LMAN2L: variants seen among roughly 807,000 people sequenced by gnomAD.
LMAN2L encodes the protein lectin, mannose binding 2 like.
Under a neutral mutation model 44.3 loss-of-function variants are expected in LMAN2L, and 30 were observed. That is an observed-to-expected ratio of 0.68 (90% CI 0.51 to 0.92). The LOEUF is 0.92. Among genes scored for constraint, LMAN2L ranks in the 40% least tolerant of loss-of-function variants. The probability of loss-of-function intolerance (pLI) is 0.00; values close to 1 mark genes in which losing one functional copy is unlikely to be tolerated. For missense variants in LMAN2L, 429 were observed against 446.1 expected, an observed-to-expected ratio of 0.96 and a Z score of 0.35; for synonymous variants, 183 against 171.1, an observed-to-expected ratio of 1.07 and a Z score of -0.54.
chr2:96,735,993 C>CA, intron 2 of LMAN2L, among the ~76,000 whole-genome samples: 1 of 152,232 alleles, frequency 6.6e-6, no homozygotes. Context: ...GCCTAGGCGA[C>CA]AGAGTGATGA....
At chr2:96,739,081 C>T (rs2153338425) in intron 1 of LMAN2L, among the ~76,000 whole-genome samples, 1 of 152,336 alleles carries the variant, frequency 6.6e-6, no homozygotes, top group South Asian at 2.1e-4. Context: ...TGTGAAGCTA[C>T]TCCCTGTACC....
chr2:96,715,455 CT>C (rs1336702686), intron 4 of LMAN2L, among the ~76,000 whole-genome samples: 1 of 152,236 alleles, frequency 6.6e-6, no homozygotes, highest in Non-Finnish European at 1.5e-5. Context: ...GGAAGTATTT[CT>C]TGGATAACCA....
chr2:96,716,462 T>C lies in LMAN2L; in HGVS notation c.508-4437A>G, dbSNP rs2078042584. 2.0e-5 allele frequency among the ~76,000 whole-genome samples: 3 copies of C among 152,202 alleles called. 1 individual carries two copies. The South Asian group carries it at 6.2e-4, about 32-fold the overall frequency. ...GTTTCCATCTCAAACCATACCATTG[T>C]CTAGTAAGCTGACCATTTGCTTTTG... On this transcript the variant is annotated intron_variant, in intron 4 of 7. Transcript: ENST00000264963.
At chr2:96,732,697 G>A (rs1373621683) in intron 4 of LMAN2L, among the ~76,000 whole-genome samples, 1 of 150,592 alleles carries the variant, frequency 6.6e-6, no homozygotes, top group African/African-American at 2.4e-5. Flanking sequence ...CTTAGGTCAG[G>A]TAACAAAAAG....
intron 3 of LMAN2L, among the ~76,000 whole-genome samples, chr2:96,734,126 G>A (rs1014710779): frequency 6.6e-6 from 1 of 152,190 alleles, no homozygotes; most frequent in Non-Finnish European, 1.5e-5. Flanking sequence ...CCAATCGTCA[G>A]CGTTCAGGAG....
chr2:96,737,004 C>A (rs1053263539), intron 2 of LMAN2L: 5 of 346,378 alleles, frequency 1.4e-5, no homozygotes, highest in African/African-American at 4.5e-5. Context: ...AGAAAAGCCA[C>A]GTAAAAAAGT....
At position 96,706,880 on chromosome 2, in the gene LMAN2L, G is replaced by T. The variant is rs553666987; in HGVS notation, c.*376C>A. ...TGTTACCAGTTTTTAATTCTTTGTG[G>T]ATTCAAAACTGAAGTAGAAGGGCCT... is the stretch of plus-strand genomic sequence containing the variant. On this transcript the variant is annotated 3_prime_UTR_variant, in exon 8 of 8. Coordinates refer to ENST00000264963, the MANE Select transcript of LMAN2L (RefSeq NM_030805.4). 9.5e-5 allele frequency: 15 copies of T among 157,464 alleles called. No individual in the cohort carries two copies. In the East Asian group the frequency reaches 2.7e-3, roughly 29 times the overall value. The allele number at this position is 157,464 out of a possible 1,614,324, so 9.8% of individuals were successfully genotyped here.
chr2:96,716,898 G>A (rs1490609100), intron 4 of LMAN2L, among the ~76,000 whole-genome samples: 1 of 152,152 alleles, frequency 6.6e-6, no homozygotes, highest in African/African-American at 2.4e-5. Context: ...AGCACAAAGA[G>A]AACGCTGAGA....
chr2:96,731,250 T>G lies in LMAN2L; in HGVS notation c.507+2269A>C, dbSNP rs374273675. Among the ~76,000 whole-genome samples the G allele has an allele frequency of 1.6e-4, 25 of 152,274 alleles. 2 individuals are homozygous for G. Among genetic ancestry groups the G allele is most frequent in the Admixed American group, 6.5e-4 (10 of 15,286 alleles). On this transcript the variant is annotated intron_variant, in intron 4 of 7. Transcript: ENST00000264963. ...GGCCTGGCACCTAGAAAGTGGTTAA[T>G]GTATGTGGAATGAAGAACAGCCCAG...
chr2:96,720,377 C>T (rs1312533963), intron 4 of LMAN2L, among the ~76,000 whole-genome samples: 2 of 152,186 alleles, frequency 1.3e-5, no homozygotes, highest in African/African-American at 4.8e-5. Flanking sequence ...CTACTGACTT[C>T]CCTGCAACTT....
At chr2:96,709,433 T>C (rs557628133) in intron 6 of LMAN2L, among the ~76,000 whole-genome samples, 1 of 152,304 alleles carries the variant, frequency 6.6e-6, no homozygotes, top group Non-Finnish European at 1.5e-5. Context: ...AATTGGTATT[T>C]AGAGACCACA....
chr2:96,738,321 C>T (rs1226471759), intron 1 of LMAN2L, among the ~76,000 whole-genome samples: 1 of 152,100 alleles, frequency 6.6e-6, no homozygotes, highest in East Asian at 1.9e-4. Flanking sequence ...TCCATTCTTC[C>T]CGTTTTATAT....
chr2:96,735,055 G>C (rs1399048814), intron 2 of LMAN2L, among the ~76,000 whole-genome samples: 1 of 152,242 alleles, frequency 6.6e-6, no homozygotes, highest in Non-Finnish European at 1.5e-5. Context: ...TAATTAGCTA[G>C]ACCTGGCCCT....
At chr2:96,720,580 G>A (rs1215101947) in intron 4 of LMAN2L, among the ~76,000 whole-genome samples, 1 of 151,364 alleles carries the variant, frequency 6.6e-6, no homozygotes, top group Non-Finnish European at 1.5e-5. Context: ...GCTTCCCAAA[G>A]TGCTGGGATT....
At chr2:96,724,003 G>A (rs1165125609) in intron 4 of LMAN2L, among the ~76,000 whole-genome samples, 3 of 151,920 alleles carry the variant, frequency 2.0e-5, no homozygotes, top group African/African-American at 7.2e-5. Context: ...GGAGGCTGAG[G>A]CAGGAGAATG....
intron 6 of LMAN2L, among the ~76,000 whole-genome samples, chr2:96,710,458 G>A (rs1057041210): frequency 6.6e-6 from 1 of 152,092 alleles, no homozygotes; most frequent in Non-Finnish European, 1.5e-5. Context: ...TCACAAGGTC[G>A]AGATGGAGAC....
At chr2:96,718,991 G>A (rs17119564) in intron 4 of LMAN2L, among the ~76,000 whole-genome samples, 10,570 of 152,172 alleles carry the variant, frequency 0.069, 416 homozygotes, top group Middle Eastern at 0.16. Flanking sequence ...GTAATTTGAG[G>A]ACTTCAATAA....
In LMAN2L at chr2:96,711,660, G is replaced by A; in HGVS notation, c.780C>T (p.Leu260=). The A allele has an allele frequency of 6.2e-7, 1 of 1,610,866 alleles. No individual in the cohort carries two copies. The highest frequency in any genetic ancestry group is 8.5e-7 in the Non-Finnish European group (1 of 1,177,580). Residue 260 remains leucine (L), a synonymous_variant, in exon 6 of 8, where the codon CTC becomes CTT. Transcript: ENST00000264963. ...YFGTSSITGD[L]SDNHDVISLK... ...CAAGAGTGCGCGTGGCAGTACCTGA[G>A]AGATCCCCAGTGATGGAGGAGGTGC...
rs545059635 is a variant in LMAN2L, at chr2:96,727,695, G to C, written c.507+5824C>G. Among the ~76,000 whole-genome samples the C allele has an allele frequency of 2.6e-5, 4 of 152,302 alleles. No individual in the cohort carries two copies. The South Asian group carries it at 8.3e-4, about 32-fold the overall frequency. ...CTCGTGACAAGGAAACAAGAAACCA[G>C]AAAAATGTTTTTACCACTGTCTTGA... is the stretch of plus-strand genomic sequence containing the variant. On this transcript the variant is annotated intron_variant, in intron 4 of 7. Transcript: ENST00000264963.
Sources: gnomAD v4.1 joint callset for allele counts (sites outside exome capture counted in the v4.1 genomes callset) on GRCh38, gnomAD v4.1.1 for gene constraint, MANE v1.5 for transcripts, NCBI Gene and HGNC (gene_info 2026-07-23, HGNC 2026-07-21) for gene names.